The following THSD7A variants were observed in gnomAD, a reference collection of about 807,000 sequenced individuals.
The protein encoded by THSD7A is thrombospondin type-1 domain-containing protein 7A.
Under a neutral mutation model 231.3 loss-of-function variants are expected in THSD7A, and 96 were observed. The ratio of observed to expected loss-of-function variants is 0.41; its 90% confidence interval spans 0.35 to 0.49. The LOEUF (loss-of-function observed/expected upper bound fraction) is 0.49, where lower values mean the gene tolerates loss of function less well. Among genes scored for constraint, THSD7A ranks in the 20% least tolerant of loss-of-function variants. The pLI is 0.05. For missense variants in THSD7A, 2,290 were observed against 2,070.2 expected, an observed-to-expected ratio of 1.11 and a Z score of -2.06; for synonymous variants, 940 against 743.3, an observed-to-expected ratio of 1.26 and a Z score of -4.30.
chr7:11,411,383 A>ACT lies in THSD7A; in HGVS notation c.3683-63_3683-62dup. 1 of 1,129,104 alleles carries ACT rather than the reference A, an allele frequency of 8.9e-7. No individual in the cohort carries two copies. The highest frequency in any genetic ancestry group is 1.3e-6 in the Non-Finnish European group (1 of 763,196). The allele number at this position is 1,129,104 out of a possible 1,614,324, so 69.9% of individuals were successfully genotyped here. ...AAGTAAGAAACAGATTTCAAATGAA[A>ACT]CTCTGATGACCTGAATCCCATATTT... On this transcript the variant is annotated intron_variant, in intron 18 of 27. Transcript: ENST00000423059. This position sits in a 1 kb window ranked among gnomAD's most constrained non-coding sequence, Gnocchi z 4.1.
At chr7:11,520,230 T>C (rs1788205651) in intron 6 of THSD7A, 1 of 152,180 alleles carries the variant, frequency 6.6e-6, no homozygotes, top group Non-Finnish European at 1.5e-5. Flanking sequence ...TTAAACTGTT[T>C]GCAAGCTGCA....
chr7:11,650,870 G>C (rs1782474983), intron 1 of THSD7A, among the ~76,000 whole-genome samples: 1 of 151,912 alleles, frequency 6.6e-6, no homozygotes, highest in Non-Finnish European at 1.5e-5. Context: ...AAAGGCATTT[G>C]TTTTTCTATG....
intron 1 of THSD7A, among the ~76,000 whole-genome samples, chr7:11,724,302 C>A (rs954827727): frequency 6.6e-6 from 1 of 151,874 alleles, no homozygotes; most frequent in Admixed American, 6.6e-5. Flanking sequence ...CAATGTAGTG[C>A]AAAGTCTTCC....
intron 2 of THSD7A, among the ~76,000 whole-genome samples, chr7:11,597,595 G>T (rs1191385447): frequency 6.6e-6 from 1 of 152,148 alleles, no homozygotes; most frequent in African/African-American, 2.4e-5. Context: ...TTGGAACAAG[G>T]CCCTGCCATC....
chr7:11,570,437 G>T (rs1263825936), intron 4 of THSD7A, among the ~76,000 whole-genome samples: 1 of 152,110 alleles, frequency 6.6e-6, no homozygotes, highest in Non-Finnish European at 1.5e-5. Context: ...ACAGTTGGGT[G>T]ACTTTAGTTA....
intron 2 of THSD7A, among the ~76,000 whole-genome samples, chr7:11,609,471 T>G (rs1348574980): frequency 6.6e-6 from 1 of 152,124 alleles, no homozygotes; most frequent in East Asian, 1.9e-4. Context: ...AGCTGTTCCA[T>G]GGGAACAGAG....
intron 1 of THSD7A, among the ~76,000 whole-genome samples, chr7:11,823,130 T>C (rs1432102424): frequency 6.6e-6 from 1 of 152,070 alleles, no homozygotes; most frequent in Non-Finnish European, 1.5e-5. Flanking sequence ...GATTTTTGTA[T>C]GTAATGAGAG....
intron 1 of THSD7A, among the ~76,000 whole-genome samples, chr7:11,764,140 A>G (rs1041363419): frequency 1.3e-5 from 2 of 152,190 alleles, no homozygotes; most frequent in Non-Finnish European, 2.9e-5. Flanking sequence ...CAATTATTCA[A>G]TCCTACCTTA....
At chr7:11,760,869 A>T (rs1167207595) in intron 1 of THSD7A, among the ~76,000 whole-genome samples, 2 of 151,190 alleles carry the variant, frequency 1.3e-5, no homozygotes, top group Admixed American at 1.3e-4. Context: ...AAAATCCATT[A>T]TCATACCACA....
At chr7:11,722,712 A>G (rs1781402168) in intron 1 of THSD7A, among the ~76,000 whole-genome samples, 1 of 152,086 alleles carries the variant, frequency 6.6e-6, no homozygotes, top group South Asian at 2.1e-4. Flanking sequence ...TGCAGCCAAA[A>G]GACACATGAA....
At position 11,424,727 on chromosome 7, in the gene THSD7A, A is replaced by G. The variant is rs769874808; in HGVS notation, c.3352T>C (p.Cys1118Arg). The stretch of plus-strand genomic sequence containing the variant: ...TTTCGGGTTTGCACGCCCTCTCCAC[A>G]GTTCTCCCGCATATTCACAAAGGTC... ...KVTFVNMREN[C>R]GEGVQTRKVR... Residue 1118 changes from cysteine to arginine, a missense_variant, in exon 16 of 28, where the codon TGT (cysteine) becomes CGT (arginine). Cys to Arg is a radical substitution (Grantham distance 180). Transcript: ENST00000423059. The G allele has an allele frequency of 4.3e-6, 7 of 1,613,954 alleles. No homozygotes were observed. The South Asian group carries it at 4.4e-5, about 10-fold the overall frequency.
chr7:11,606,914 A>G (rs1357319169), intron 2 of THSD7A, among the ~76,000 whole-genome samples: 1 of 152,088 alleles, frequency 6.6e-6, no homozygotes, highest in Admixed American at 6.6e-5. Flanking sequence ...GAGTAATGGG[A>G]CTTAAACCAC....
chr7:11,612,121 C>T (rs73676044), intron 2 of THSD7A, among the ~76,000 whole-genome samples: 1,998 of 152,212 alleles, frequency 0.013, 45 homozygotes, highest in African/African-American at 0.045. Context: ...TTCCGTGTCC[C>T]TCCAAAGGTT....
At chr7:11,555,405 A>C (rs1012414075) in intron 4 of THSD7A, among the ~76,000 whole-genome samples, 3 of 151,826 alleles carry the variant, frequency 2.0e-5, no homozygotes, top group Non-Finnish European at 2.9e-5. Flanking sequence ...TTTTGATTGA[A>C]TTCTAATTTG....
At position 11,541,445 on chromosome 7, in the gene THSD7A, T is replaced by A; in HGVS notation, c.1796A>T (p.Gln599Leu). 6.2e-7 allele frequency: 1 copy of A among 1,613,990 alleles called. No homozygotes were observed. ...ATCACTGTTGATGCACACAACCTCT[T>A]GAACTTGCGTGCCTGGACCACACTC... Reference protein sequence around the residue: ...GKECGPGTQVQEVVCINSDGE... With the variant: ...GKECGPGTQVLEVVCINSDGE... The change falls in exon 6 of 28, where the codon CAA (glutamine) becomes CTA (leucine). Residue 599 changes from glutamine (Q) to leucine (L), a missense_variant. Coordinates refer to ENST00000423059, the MANE Select transcript of THSD7A (RefSeq NM_015204.3).
chr7:11,421,860 G>T (rs966144828), intron 16 of THSD7A, among the ~76,000 whole-genome samples: 3 of 151,996 alleles, frequency 2.0e-5, no homozygotes, highest in African/African-American at 7.2e-5. Flanking sequence ...CCCTGTTGTG[G>T]CATTTATACT....
rs561311949 is a variant in THSD7A at position 11,632,253 on chromosome 7, C to A, written c.1022+3877G>T. The stretch of plus-strand genomic sequence containing the variant: ...ATATTTACTAAATATTCTAGACAAG[C>A]ACAACTACATCCTTTTCTATTTTTC... On this transcript the variant is annotated intron_variant, in intron 2 of 27. Coordinates refer to ENST00000423059, the MANE Select transcript of THSD7A (RefSeq NM_015204.3). The surrounding 1 kb of genome is among the most constrained non-coding windows in gnomAD (Gnocchi z 4.1). Among the ~76,000 whole-genome samples, 3 of 152,164 alleles carry A rather than the reference C, an allele frequency of 2.0e-5. No individual in the cohort carries two copies. Among genetic ancestry groups the A allele is most frequent in the South Asian group, 2.1e-4 (1 of 4,830 alleles).
In THSD7A at chr7:11,800,609, T is replaced by C. The variant is rs79428020; in HGVS notation, c.190+31148A>G. Among the ~76,000 whole-genome samples, 840 of 152,250 alleles carry C rather than the reference T, an allele frequency of 5.5e-3. 9 individuals are homozygous for C. The highest frequency in any genetic ancestry group is 9.7e-3 in the Non-Finnish European group (660 of 68,016). On this transcript the variant is annotated intron_variant, in intron 1 of 27. Transcript: ENST00000423059. ...TGGATGTACATATTGGACATTATGC[T>C]AAGTGAAATAAGCCAGCCTCAGAGG...
rs370222322 is a variant in THSD7A at position 11,610,203 on chromosome 7, A to G, written c.1023-16701T>C. On this transcript the variant is annotated intron_variant, in intron 2 of 27. Coordinates refer to ENST00000423059, the MANE Select transcript of THSD7A (RefSeq NM_015204.3). ...AACTGTTATTTCCCCTGACATAGAA[A>G]ACGACACTTGATTATATACTGACTC... Among the ~76,000 whole-genome samples the G allele has an allele frequency of 2.6e-5, 4 of 152,174 alleles. 1 individual carries two copies. The highest frequency in any genetic ancestry group is 9.6e-5 in the African/African-American group (4 of 41,520).
Sources: gnomAD v4.1 joint callset for allele counts (sites outside exome capture counted in the v4.1 genomes callset) on GRCh38, gnomAD v4.1.1 for gene constraint, Gnocchi (gnomAD v3.1) non-coding constraint, MANE v1.5 for transcripts, NCBI Gene and HGNC (gene_info 2026-07-23, HGNC 2026-07-21) for gene names.